The following HEMK2 variants were observed in gnomAD, a reference collection of about 807,000 sequenced individuals.
HEMK2 encodes methyltransferase HEMK2.
chr21:28,645,210 T>C, the HEMK2 span, among the ~76,000 whole-genome samples: 5 of 152,188 alleles, frequency 3.3e-5, no homozygotes, highest in African/African-American at 1.2e-4. Context: ...ACTAACTGCA[T>C]GCATCCCCAA....
chr21:28,788,978 G>A, the HEMK2 span, among the ~76,000 whole-genome samples: 6 of 152,084 alleles, frequency 3.9e-5, no homozygotes, highest in African/African-American at 1.4e-4. Flanking sequence ...AGGATTGCTG[G>A]GGCTACAGAA....
At chr21:28,603,939 C>T in the HEMK2 span, among the ~76,000 whole-genome samples, 1 of 152,296 alleles carries the variant, frequency 6.6e-6, no homozygotes, top group Admixed American at 6.5e-5. Context: ...ATGCAGGTGG[C>T]CTGCCTGAAC....
At chr21:28,672,969 A>G in the HEMK2 span, among the ~76,000 whole-genome samples, 1 of 150,878 alleles carries the variant, frequency 6.6e-6, no homozygotes, top group Non-Finnish European at 1.5e-5. Context: ...GAGAAAGAAA[A>G]AAAATAAAAA....
At chr21:28,715,113 T>C in the HEMK2 span, among the ~76,000 whole-genome samples, 2 of 152,202 alleles carry the variant, frequency 1.3e-5, no homozygotes, top group South Asian at 4.1e-4. Flanking sequence ...TAAGTGCATG[T>C]GTTTTTGGTA....
At chr21:28,638,213 T>G in the HEMK2 span, among the ~76,000 whole-genome samples, 1 of 152,122 alleles carries the variant, frequency 6.6e-6, no homozygotes, top group Non-Finnish European at 1.5e-5. Context: ...GGTAGGAATA[T>G]GAATGGAGTA....
chr21:28,878,070 T>C, the HEMK2 span: 1 of 815,252 alleles, frequency 1.2e-6, no homozygotes, highest in Non-Finnish European at 1.8e-6. Flanking sequence ...CTACTGTCAG[T>C]GATTAACTGT....
At chr21:28,868,646 T>A in the HEMK2 span, among the ~76,000 whole-genome samples, 1 of 152,192 alleles carries the variant, frequency 6.6e-6, no homozygotes, top group Non-Finnish European at 1.5e-5. Flanking sequence ...TTCACGCCAC[T>A]GCACTCCAGC....
chr21:28,735,430 T>A, the HEMK2 span, among the ~76,000 whole-genome samples: 1 of 152,188 alleles, frequency 6.6e-6, no homozygotes, highest in African/African-American at 2.4e-5. Context: ...AGGCTGTTAG[T>A]GAGAGGCCAC....
the HEMK2 span, among the ~76,000 whole-genome samples, chr21:28,703,100 G>C: frequency 2.4e-3 from 369 of 152,268 alleles, no homozygotes; most frequent in African/African-American, 8.1e-3. Context: ...ATAAGTGGAA[G>C]CTAAACATTG....
chr21:28,685,010 T>C, the HEMK2 span, among the ~76,000 whole-genome samples: 1 of 152,130 alleles, frequency 6.6e-6, no homozygotes, highest in Non-Finnish European at 1.5e-5. Flanking sequence ...TCAACTTCAA[T>C]TTGTGGAGAG....
chr21:28,680,776 T>C, the HEMK2 span, among the ~76,000 whole-genome samples: 1 of 152,150 alleles, frequency 6.6e-6, no homozygotes, highest in African/African-American at 2.4e-5. Flanking sequence ...TAATCCAGCA[T>C]ATAAACAGAA....
the HEMK2 span, among the ~76,000 whole-genome samples, chr21:28,711,840 G>A: frequency 2.0e-5 from 3 of 152,048 alleles, no homozygotes; most frequent in South Asian, 6.2e-4. Context: ...CAAGATCAGG[G>A]TGCCCATATT....
the HEMK2 span, chr21:28,882,980 C>A: frequency 6.4e-7 from 1 of 1,565,226 alleles, no homozygotes; most frequent in South Asian, 1.2e-5. Flanking sequence ...ATATGATATA[C>A]TTACATGTAC....
the HEMK2 span, among the ~76,000 whole-genome samples, chr21:28,869,816 T>C: frequency 6.6e-6 from 1 of 152,200 alleles, no homozygotes; most frequent in Non-Finnish European, 1.5e-5. Flanking sequence ...AAGAACTTGG[T>C]ACATCAGTTG....
At chr21:28,595,509 A>G in the HEMK2 span, among the ~76,000 whole-genome samples, 4 of 152,294 alleles carry the variant, frequency 2.6e-5, no homozygotes, top group South Asian at 2.1e-4. Context: ...CAAATGACTG[A>G]ATCTCATTTT....
the HEMK2 span, among the ~76,000 whole-genome samples, chr21:28,727,612 T>G: frequency 1.3e-5 from 2 of 152,220 alleles, no homozygotes; most frequent in African/African-American, 4.8e-5. Context: ...GGCCTTTAGT[T>G]TGTAGATTTA....
chr21:28,620,075 G>A, the HEMK2 span, among the ~76,000 whole-genome samples: 6 of 152,138 alleles, frequency 3.9e-5, no homozygotes. Context: ...CCAATACTAT[G>A]TTGAATAGGA....
chr21:28,654,494 T>C, the HEMK2 span, among the ~76,000 whole-genome samples: 1 of 152,122 alleles, frequency 6.6e-6, no homozygotes, highest in African/African-American at 2.4e-5. Flanking sequence ...TCCATAAAGC[T>C]ATTTTTTCAC....
At chr21:28,814,272 A>G in the HEMK2 span, among the ~76,000 whole-genome samples, 4 of 152,106 alleles carry the variant, frequency 2.6e-5, no homozygotes, top group Non-Finnish European at 4.4e-5. Context: ...TAAAACCATA[A>G]AAACCCTAGA....
Sources: gnomAD v4.1 joint callset for allele counts (sites outside exome capture counted in the v4.1 genomes callset) on GRCh38, gnomAD v4.1.1 for gene constraint, MANE v1.5 for transcripts, NCBI Gene and HGNC (gene_info 2026-07-23, HGNC 2026-07-21) for gene names.